The following KPNA3 variants were observed in gnomAD, a reference collection of about 807,000 sequenced individuals.
The protein encoded by KPNA3 is importin subunit alpha-4.
KPNA3 carries 13 observed loss-of-function variants against 73.8 expected under a neutral mutation model. That is an observed-to-expected ratio of 0.18 (90% CI 0.11 to 0.28). The LOEUF (loss-of-function observed/expected upper bound fraction) is 0.28, where lower values mean the gene tolerates loss of function less well. KPNA3 is among the 10% of genes least tolerant of loss of function. The probability of loss-of-function intolerance (pLI) is 1.00; values close to 1 mark genes in which losing one functional copy is unlikely to be tolerated. For missense variants in KPNA3, 360 were observed against 618.1 expected, an observed-to-expected ratio of 0.58 and a Z score of 4.43; for synonymous variants, 186 against 206.9, an observed-to-expected ratio of 0.90 and a Z score of 0.87.
chr13:49,732,838 G>GTTAA, intron 3 of KPNA3, 62 bp from the exon 4 acceptor site: 1 of 1,367,916 alleles, frequency 7.3e-7, no homozygotes, highest in Non-Finnish European at 1.0e-6. Context: ...TCATTAAACA[G>GTTAA]TGTACCTGAG....
At chr13:49,725,249 T>C (rs563174341) in intron 7 of KPNA3, among the ~76,000 whole-genome samples, 167 bp downstream of exon 7, 10 of 152,352 alleles carry the variant, frequency 6.6e-5, no homozygotes, top group African/African-American at 2.2e-4. Flanking sequence ...TTAAAAATTT[T>C]TCATGATAAA....
At chr13:49,726,195 C>A (rs1402802487) in intron 6 of KPNA3, among the ~76,000 whole-genome samples, 2 of 152,164 alleles carry the variant, frequency 1.3e-5, no homozygotes, top group Admixed American at 1.3e-4. Flanking sequence ...ATCACACGCT[C>A]TAGGCTGGTC....
chr13:49,722,189 G>T, intron 8 of KPNA3, 65 bp from the exon 9 acceptor site: 1 of 1,104,346 alleles, frequency 9.1e-7, no homozygotes, highest in African/African-American at 1.6e-5. Flanking sequence ...TGAAATGTAT[G>T]CAATGGCTCA....
chr13:49,734,954 T>TAGAGAGAGATAGAGAGAGAG (rs1954508264), intron 2 of KPNA3, among the ~76,000 whole-genome samples: 2 of 145,904 alleles, frequency 1.4e-5, no homozygotes, highest in Admixed American at 1.4e-4. Flanking sequence ...GAGAGATAGA[T>TAGAGAGAGATAGAGAGAGAG]AGAGAGAGAG....
chr13:49,705,593 T>A, intron 15 of KPNA3, 28 bp downstream of exon 15: 4 of 1,603,718 alleles, frequency 2.5e-6, no homozygotes, highest in Non-Finnish European at 3.4e-6. Flanking sequence ...AGTGCTCAAA[T>A]ACTCTTCTTC....
intron 1 of KPNA3, among the ~76,000 whole-genome samples, chr13:49,774,340 C>T (rs772815799): frequency 9.2e-5 from 14 of 152,178 alleles, no homozygotes; most frequent in South Asian, 2.1e-4. Flanking sequence ...AGTTATACCC[C>T]GAATTCAACA....
chr13:49,767,069 T>C (rs1431058531), intron 1 of KPNA3, among the ~76,000 whole-genome samples: 1 of 151,680 alleles, frequency 6.6e-6, no homozygotes, highest in Non-Finnish European at 1.5e-5. Context: ...CAGGACATTA[T>C]GTCCTAAGAG....
chr13:49,723,385 G>A (rs1954378033), intron 7 of KPNA3, among the ~76,000 whole-genome samples: 1 of 151,884 alleles, frequency 6.6e-6, no homozygotes, highest in Non-Finnish European at 1.5e-5. Flanking sequence ...GCCTGGCCAA[G>A]ATGGTGAAAC....
chr13:49,735,692 T>C (rs1211487377), intron 2 of KPNA3, among the ~76,000 whole-genome samples: 1 of 152,158 alleles, frequency 6.6e-6, no homozygotes, highest in African/African-American at 2.4e-5. Context: ...CACATATGGA[T>C]TAAATGGATT....
rs1954622156 is a variant in KPNA3 at position 49,746,953 on chromosome 13, C to T, written c.110G>A (p.Arg37Gln). 1.2e-6 allele frequency: 2 copies of T among 1,606,632 alleles called. No individual in the cohort carries two copies. The highest frequency in any genetic ancestry group is 8.5e-7 in the Non-Finnish European group (1 of 1,173,794). The part of the protein sequence containing the change: ...RHRNEVTVEL[R>Q]KNKRDEHLLK... ...TTAAATGTAAATCAACCTTACCTTC[C>T]GCAGTTCCACTGTCACTTCATTTCT... The change falls in exon 2 of 17, where the codon CGG (arginine) becomes CAG (glutamine). Residue 37 changes from arginine (R) to glutamine (Q), a missense_variant. By Grantham distance (43) the Arg-to-Gln change is conservative. Coordinates refer to ENST00000261667, the MANE Select transcript of KPNA3 (RefSeq NM_002267.4).
intron 2 of KPNA3, 146 bp from the exon 3 acceptor site, chr13:49,733,192 A>T (rs188452819): frequency 2.2e-4 from 134 of 613,734 alleles, no homozygotes; most frequent in Admixed American, 1.1e-3. Flanking sequence ...CATACTGCAA[A>T]CCAATGACAA....
chr13:49,703,212 C>T, intron 15 of KPNA3, among the ~76,000 whole-genome samples: 1 of 110,392 alleles, frequency 9.1e-6, no homozygotes, highest in Non-Finnish European at 1.8e-5. Flanking sequence ...GAGACGGAGT[C>T]TCACTCTGTA....
chr13:49,732,262 T>C (rs372965643), intron 6 of KPNA3, 109 bp downstream of exon 6: 12 of 489,264 alleles, frequency 2.5e-5, no homozygotes, highest in Admixed American at 1.1e-4. Flanking sequence ...TATATGACGA[T>C]TGAAAAACAT....
chr13:49,744,037 T>C (rs1217137202), intron 2 of KPNA3, among the ~76,000 whole-genome samples: 1 of 152,162 alleles, frequency 6.6e-6, no homozygotes, highest in East Asian at 1.9e-4. Flanking sequence ...AAATAATCTG[T>C]TAGAAATCAG....
At chr13:49,788,285 T>C (rs991319419) in intron 1 of KPNA3, among the ~76,000 whole-genome samples, 5 of 152,248 alleles carry the variant, frequency 3.3e-5, no homozygotes, top group Non-Finnish European at 7.3e-5. Flanking sequence ...TTGACCTGGA[T>C]TGCAGTTACC....
At chr13:49,725,704 C>T (rs1000373323) in intron 6 of KPNA3, among the ~76,000 whole-genome samples, 1 of 150,726 alleles carries the variant, frequency 6.6e-6, no homozygotes, top group South Asian at 2.1e-4. Flanking sequence ...AGTGCAGTGG[C>T]GCCATCTTGA....
intron 1 of KPNA3, among the ~76,000 whole-genome samples, chr13:49,791,939 C>A (rs1955036769): frequency 6.6e-6 from 1 of 152,254 alleles, no homozygotes; most frequent in African/African-American, 2.4e-5. Flanking sequence ...CCGCCACCGC[C>A]CGCCTGGGCC....
chr13:49,770,975 T>C (rs1044635539), intron 1 of KPNA3, among the ~76,000 whole-genome samples: 2 of 151,878 alleles, frequency 1.3e-5, no homozygotes, highest in Admixed American at 1.3e-4. Flanking sequence ...TTAATTACTA[T>C]AGGTTTGCTT....
chr13:49,736,677 G>A (rs547150367), intron 2 of KPNA3, among the ~76,000 whole-genome samples: 1 of 152,096 alleles, frequency 6.6e-6, no homozygotes, highest in Admixed American at 6.5e-5. Context: ...CAGACTTCTC[G>A]TTTTACATGT....
Sources: allele counts gnomAD v4.1 joint callset (sites outside exome capture counted in the v4.1 genomes callset), GRCh38; gene constraint gnomAD v4.1.1; transcripts MANE v1.5; gene names NCBI Gene and HGNC (gene_info 2026-07-23, HGNC 2026-07-21).